The following PDCD1 variants were observed in gnomAD, a reference collection of about 807,000 sequenced individuals.
PDCD1 encodes the protein programmed cell death 1, also known as programmed cell death protein 1.
In PDCD1, 10 loss-of-function variants were observed where a neutral mutation model predicts 23.6. The observed-to-expected ratio is 0.42, with a 90% confidence interval of 0.26 to 0.72. The LOEUF (loss-of-function observed/expected upper bound fraction) is 0.72. Ranked by LOEUF, PDCD1 falls within the 30% of genes least tolerant of loss-of-function variation. The probability of loss-of-function intolerance (pLI) is 0.24; values close to 1 mark genes in which losing one functional copy is unlikely to be tolerated. For synonymous variants in PDCD1, 168 were observed against 169.3 expected (o/e 0.99, Z 0.06); for missense variants, 313 against 397.8 (o/e 0.79, Z 1.81).
rs6605259 is a variant in PDCD1, at chr2:241,850,699, C to T, written c.*359G>A. 3,408 of 534,012 alleles carry T rather than the reference C, an allele frequency of 6.4e-3. 81 individuals carry two copies. Among genetic ancestry groups the T allele is most frequent in the African/African-American group, 0.057 (3,046 of 53,826 alleles). The allele number at this position is 534,012 out of a possible 1,614,324, so 33.1% of individuals were successfully genotyped here. On this transcript the variant is annotated 3_prime_UTR_variant, in exon 5 of 5. Coordinates refer to ENST00000334409, the MANE Select transcript of PDCD1 (RefSeq NM_005018.3). Reference sequence around the variant, plus strand: ...GGCTCCGGGGCGTCAGGCAGGGCCACGGCGCCTTCAGCCCCGGGCCGCAGG... The same window carrying T: ...GGCTCCGGGGCGTCAGGCAGGGCCATGGCGCCTTCAGCCCCGGGCCGCAGG...
chr2:241,855,514 C>T (rs1273428256), intron 1 of PDCD1, among the ~76,000 whole-genome samples: 1 of 152,152 alleles, frequency 6.6e-6, no homozygotes, highest in Non-Finnish European at 1.5e-5. Flanking sequence ...CTCGGATCCA[C>T]GTAGGATCGT....
intron 3 of PDCD1, 54 bp from the exon 4 acceptor site, chr2:241,852,037 G>A: frequency 6.3e-7 from 1 of 1,587,268 alleles, no homozygotes; most frequent in Non-Finnish European, 8.6e-7. Context: ...GTGCTCCTAG[G>A]TGGGGGGTCT....
At chr2:241,855,833 G>C (rs1036453528) in intron 1 of PDCD1, among the ~76,000 whole-genome samples, 2 of 152,186 alleles carry the variant, frequency 1.3e-5, no homozygotes, top group Non-Finnish European at 2.9e-5. Flanking sequence ...TGAGGAGTGA[G>C]GTCTTCCAAC....
chr2:241,853,457 C>T (rs116079750), intron 1 of PDCD1, among the ~76,000 whole-genome samples: 1 of 152,250 alleles, frequency 6.6e-6, no homozygotes, highest in African/African-American at 2.4e-5. Context: ...CCAGTCTTTG[C>T]CCCCTTTTCA....
Position 241,852,322 on chromosome 2 carries a change from G to T in PDCD1, c.468C>A (p.Pro156=). Residue 156 remains proline, a synonymous_variant, in exon 3 of 5, where the codon CCC becomes CCA. Transcript: ENST00000334409. ...GGCCGGCTGGCCTGGGTGAGGGGCT[G>T]GGGTGGGCTGTGGGCACTTCTGCCC... The part of the protein sequence containing the change: ...ERRAEVPTAH[P]SPSPRPAGQF... 6.2e-7 allele frequency: 1 copy of T among 1,608,178 alleles called. No homozygotes were observed. Among genetic ancestry groups the T allele is most frequent in the South Asian group, 1.1e-5 (1 of 90,902 alleles).
chr2:241,857,427 C>T (rs973318719), intron 1 of PDCD1, among the ~76,000 whole-genome samples: 7 of 152,118 alleles, frequency 4.6e-5, no homozygotes, highest in African/African-American at 1.2e-4. Context: ...GGTGGCGTCC[C>T]GAGGGCGTGC....
At chr2:241,858,438 C>G (rs1385511145) in intron 1 of PDCD1, among the ~76,000 whole-genome samples, 1 of 152,216 alleles carries the variant, frequency 6.6e-6, no homozygotes, top group Non-Finnish European at 1.5e-5. Flanking sequence ...TGAGAGGGGA[C>G]AGAGGTCCTG....
At position 241,850,772 on chromosome 2, in the gene PDCD1, C is replaced by T. The variant is rs114282381; in HGVS notation, c.*286G>A. ...AGCAGCAGAGATTCAGGGAGCTGGA[C>T]GCAGGCAGCTCTGTGCTGGCAGGAC... On this transcript the variant is annotated 3_prime_UTR_variant, in exon 5 of 5. Transcript: ENST00000334409. 8.8e-5 allele frequency: 57 copies of T among 644,068 alleles called. No individual in the cohort carries two copies. The highest frequency in any genetic ancestry group is 7.0e-4 in the African/African-American group (39 of 56,008). 39.9% of individuals were successfully genotyped at this position (644,068 alleles called of 1,614,324 possible). A position where few individuals can be genotyped will look rare whatever the true frequency, so the allele number is the denominator to read the frequency against.
At chr2:241,858,715 C>A (rs770330179) in intron 1 of PDCD1, 48 bp downstream of exon 1, 1 of 1,480,042 alleles carries the variant, frequency 6.8e-7, no homozygotes, top group South Asian at 1.2e-5. Flanking sequence ...GGTGGAAGGT[C>A]CCTCCAGACC....
At chr2:241,854,480 G>A (rs1700972479) in intron 1 of PDCD1, among the ~76,000 whole-genome samples, 1 of 152,206 alleles carries the variant, frequency 6.6e-6, no homozygotes, top group African/African-American at 2.4e-5. Context: ...AAGGAGGGCT[G>A]TGGGGTAGTG....
chr2:241,857,975 G>A (rs1701062295), intron 1 of PDCD1, among the ~76,000 whole-genome samples: 1 of 152,166 alleles, frequency 6.6e-6, no homozygotes, highest in South Asian at 2.1e-4. Flanking sequence ...GAGGGTCCAG[G>A]AGCGGGCTGT....
chr2:241,855,563 G>A lies in PDCD1; in HGVS notation c.77-2583C>T, dbSNP rs75518318. ...AGGGCTGTGCCCTATGCAGGGTCAG[G>A]AGGGAGACAGAGCCCATCCCGGGGC... On this transcript the variant is annotated intron_variant, in intron 1 of 4. Transcript: ENST00000334409. 4.3e-3 allele frequency among the ~76,000 whole-genome samples: 655 copies of A among 152,332 alleles called. 8 individuals carry two copies. Among genetic ancestry groups the A allele is most frequent in the African/African-American group, 0.015 (631 of 41,584 alleles).
In PDCD1 at chr2:241,852,373, A is replaced by G; in HGVS notation, c.437-20T>C. On this transcript the variant is annotated intron_variant, in intron 2 of 4. Transcript: ENST00000334409. ...TTCTCTCTGGAAGGGCACAAAGGTCAGGGGTTAGGACGGGGTCAGGGTGGA... is the reference window on the plus strand; with the variant it reads ...TTCTCTCTGGAAGGGCACAAAGGTCGGGGGTTAGGACGGGGTCAGGGTGGA... The G allele has an allele frequency of 6.6e-7, 1 of 1,506,652 alleles. No individual in the cohort carries two copies. Among genetic ancestry groups the G allele is most frequent in the Non-Finnish European group, 9.2e-7 (1 of 1,091,650 alleles). The allele number at this position is 1,506,652 out of a possible 1,614,324, so 93.3% of individuals were successfully genotyped here.
At chr2:241,853,759 G>A (rs1356228647) in intron 1 of PDCD1, among the ~76,000 whole-genome samples, 4 of 152,264 alleles carry the variant, frequency 2.6e-5, no homozygotes, top group South Asian at 2.1e-4. Context: ...CAACACAGGC[G>A]CTTAAGATCC....
intron 1 of PDCD1, among the ~76,000 whole-genome samples, chr2:241,857,418 G>GT: frequency 6.6e-6 from 1 of 152,310 alleles, no homozygotes; most frequent in East Asian, 1.9e-4. Context: ...GTCGGGGAGG[G>GT]TGGCGTCCCG....
chr2:241,854,746 C>T (rs1348453242), intron 1 of PDCD1, among the ~76,000 whole-genome samples: 1 of 152,044 alleles, frequency 6.6e-6, no homozygotes, highest in African/African-American at 2.4e-5. Flanking sequence ...CCCTCGGGGT[C>T]TCCATCTCCC....
chr2:241,852,264 C>T lies in PDCD1; in HGVS notation c.526G>A (p.Gly176Ser), dbSNP rs759945450. 2.7e-5 allele frequency: 44 copies of T among 1,611,298 alleles called. No homozygotes were observed. Among genetic ancestry groups the T allele is most frequent in the African/African-American group, 5.3e-5 (4 of 74,852 alleles). Residue 176 changes from glycine (G) to serine (S), a missense_variant, in exon 3 of 5, where the codon GGC (glycine) becomes AGC (serine). Transcript: ENST00000334409. ...FQTLVVGVVG[G>S]LLGSLVLLVW... ...AGCAGCACCAGGCTGCCCAGCAGGC[C>T]GCCCACGACACCAACCACCAGGGTT...
At chr2:241,852,412 G>T (rs1013224676) in intron 2 of PDCD1, 59 bp from the exon 3 acceptor site, 1 of 1,254,446 alleles carries the variant, frequency 8.0e-7, no homozygotes, top group East Asian at 2.4e-5. Flanking sequence ...TCAGGGTCAG[G>T]GGTGAGGGCA....
intron 2 of PDCD1, 118 bp downstream of exon 2, chr2:241,852,503 G>T: frequency 7.7e-7 from 1 of 1,306,446 alleles, no homozygotes; most frequent in Non-Finnish European, 1.0e-6. Context: ...CAGAGCCCTG[G>T]ACTGGAGCTG....
Sources: allele counts gnomAD v4.1 joint callset (sites outside exome capture counted in the v4.1 genomes callset), GRCh38; gene constraint gnomAD v4.1.1; transcripts MANE v1.5; gene names NCBI Gene and HGNC (gene_info 2026-07-23, HGNC 2026-07-21).